Variants in CHFR observed in about 807,000 individuals in gnomAD.
CHFR encodes checkpoint with forkhead and ring finger domains, also known as E3 ubiquitin-protein ligase CHFR.
A neutral mutation model predicts 87.6 loss-of-function variants in CHFR; 57 were observed. The ratio of observed to expected loss-of-function variants is 0.65; its 90% CI spans 0.53 to 0.81. CHFR has a LOEUF of 0.81. Ranked by LOEUF, CHFR falls within the 30% of genes least tolerant of loss-of-function variation. CHFR has a pLI of 0.00. For synonymous variants in CHFR, 381 were observed against 359.2 expected, an observed-to-expected ratio of 1.06 and a Z score of -0.69; for missense variants, 797 against 865.8, an observed-to-expected ratio of 0.92 and a Z score of 1.00.
At chr12:132,877,692 G>A (rs544515173) in intron 2 of CHFR, 38 bp from the exon 3 acceptor site, 18 of 1,384,374 alleles carry the variant, frequency 1.3e-5, no homozygotes, top group Admixed American at 3.5e-5. Context: ...GGATATGATC[G>A]TGGTAACTGT....
chr12:132,870,318 C>T (rs1405524859), intron 5 of CHFR, among the ~76,000 whole-genome samples: 2 of 151,358 alleles, frequency 1.3e-5, no homozygotes, highest in Non-Finnish European at 2.9e-5. Context: ...CGCCACTGCA[C>T]TCCAGCCTGG....
At chr12:132,868,443 A>G (rs1951401017) in intron 6 of CHFR, among the ~76,000 whole-genome samples, 1 of 152,014 alleles carries the variant, frequency 6.6e-6, no homozygotes, top group African/African-American at 2.4e-5. Context: ...CGGAGCTTGC[A>G]GTGAGCCGAG....
chr12:132,869,463 G>A (rs1169914327), intron 6 of CHFR, among the ~76,000 whole-genome samples, 156 bp downstream of exon 6: 1 of 152,060 alleles, frequency 6.6e-6, no homozygotes, highest in East Asian at 1.9e-4. Flanking sequence ...GAAGTGAAGG[G>A]AACAACACAC....
At chr12:132,872,229 G>A (rs2291254) in intron 4 of CHFR, 56 bp downstream of exon 4, 142,085 of 1,055,144 alleles carry the variant, frequency 0.13, 10,166 homozygotes, top group Middle Eastern at 0.2. Flanking sequence ...TTCAGAGAGC[G>A]CCCTCACGTG....
At chr12:132,871,694 C>T (rs1951494035) in intron 4 of CHFR, among the ~76,000 whole-genome samples, 1 of 151,968 alleles carries the variant, frequency 6.6e-6, no homozygotes, top group African/African-American at 2.4e-5. Context: ...ATTGCTTGAA[C>T]CCGGCAGGTG....
chr12:132,881,129 A>G (rs1196983441), intron 2 of CHFR, among the ~76,000 whole-genome samples: 1 of 151,874 alleles, frequency 6.6e-6, no homozygotes, highest in African/African-American at 2.4e-5. Context: ...TTAGCCGGGC[A>G]TGGTAGCATG....
At chr12:132,847,980 C>A (rs951920324) in intron 14 of CHFR, 105 bp downstream of exon 14, 3 of 1,565,840 alleles carry the variant, frequency 1.9e-6, no homozygotes, top group Non-Finnish European at 8.7e-7. Context: ...CAACCCGCAG[C>A]GGGTCAGGTA....
At position 132,858,899 on chromosome 12, in the gene CHFR, GCTCCACCCA is replaced by G. The variant is rs547701046; in HGVS notation, c.911+160_911+168del. 1.1e-3 allele frequency among the ~76,000 whole-genome samples: 164 copies of G among 151,440 alleles called. 1 individual carries two copies. The highest frequency in any genetic ancestry group is 1.2e-3 in the East Asian group (6 of 5,162). Reference sequence around the variant, plus strand: ...GGAGAGGTTGCAGTGGGCTGAGAAAGCTCCACCCACTCCACCCACTCCACCCACTTATCT... The same window carrying G: ...GGAGAGGTTGCAGTGGGCTGAGAAAGCTCCACCCACTCCACCCACTTATCT... On this transcript the variant is annotated intron_variant, in intron 8 of 17. Transcript: ENST00000450056.
chr12:132,853,735 TAG>T, intron 10 of CHFR, 162 bp from the exon 11 acceptor site: 2 of 781,864 alleles, frequency 2.6e-6, no homozygotes, highest in South Asian at 4.1e-5. Flanking sequence ...ACCCCAGTGT[TAG>T]AGAGGGACCA....
In CHFR at chr12:132,841,436, G is replaced by C. The variant is rs542153503; in HGVS notation, c.*118C>G. On this transcript the variant is annotated 3_prime_UTR_variant, in exon 18 of 18. Transcript: ENST00000450056. ...GAGTCACCCCAGAGCACCTGTCGGAGACCCTGCGTCCCTTCCCTCAGGGGG... is the reference window on the plus strand; with the variant it reads ...GAGTCACCCCAGAGCACCTGTCGGACACCCTGCGTCCCTTCCCTCAGGGGG... The C allele has an allele frequency of 1.1e-6, 1 of 873,458 alleles. No homozygotes were observed. Among genetic ancestry groups the C allele is most frequent in the African/African-American group, 1.7e-5 (1 of 60,470 alleles). 54.1% of individuals were successfully genotyped at this position (873,458 alleles called of 1,614,324 possible).
chr12:132,848,061 C>A lies in CHFR; in HGVS notation c.1647+24G>T, dbSNP rs779021805. On this transcript the variant is annotated intron_variant, in intron 14 of 17. Coordinates refer to ENST00000450056, the MANE Select transcript of CHFR (RefSeq NM_001161346.2). ...TAGGGAGAAAATGTGGCTCCCGGCT[C>A]CCCAGCCCGCAGCGAGTCGGTACCT... The A allele has an allele frequency of 4.3e-6, 7 of 1,613,754 alleles. No homozygotes were observed. The African/African-American group carries it at 8.0e-5, about 18-fold the overall frequency.
At position 132,848,123 on chromosome 12, in the gene CHFR, C is replaced by T; in HGVS notation, c.1609G>A (p.Val537Met). The T allele has an allele frequency of 1.2e-6, 2 of 1,614,124 alleles. No individual in the cohort carries two copies. The highest frequency in any genetic ancestry group is 2.2e-5 in the South Asian group (2 of 91,082). ...GACTCGTAGCTGTTGTTGTTCAGCACGCCGTCCAGACACTTGTCACCCAGG... is the reference window on the plus strand; with the variant it reads ...GACTCGTAGCTGTTGTTGTTCAGCATGCCGTCCAGACACTTGTCACCCAGG... ...LNLGDKCLDG[V>M]LNNNSYESDI... The change falls in exon 14 of 18, where the codon GTG becomes ATG. Residue 537 changes from valine (V) to methionine (M), a missense_variant. Physicochemically the swap from Val to Met is conservative, Grantham distance 21 (BLOSUM62 1). Coordinates refer to ENST00000450056, the MANE Select transcript of CHFR (RefSeq NM_001161346.2).
At chr12:132,859,952 G>A (rs978402011) in intron 7 of CHFR, among the ~76,000 whole-genome samples, 2 of 152,100 alleles carry the variant, frequency 1.3e-5, no homozygotes, top group African/African-American at 4.8e-5. Context: ...GGCTGAGGTG[G>A]GAGGACAGTC....
chr12:132,886,300 A>C, intron 2 of CHFR, among the ~76,000 whole-genome samples: 1 of 151,352 alleles, frequency 6.6e-6, no homozygotes, highest in Non-Finnish European at 1.5e-5. Context: ...ACAGAGCAAG[A>C]CTCTTATCTC....
At chr12:132,875,025 G>C (rs1444604572) in intron 3 of CHFR, among the ~76,000 whole-genome samples, 1 of 151,428 alleles carries the variant, frequency 6.6e-6, no homozygotes, top group East Asian at 2.0e-4. Context: ...GCCAGGCCCT[G>C]ATGTAGGCAG....
chr12:132,835,645 T>C lies in CHFR; in HGVS notation c.*5909A>G, dbSNP rs1330176467. On this transcript the variant is annotated 3_prime_UTR_variant, in exon 18 of 18. Transcript: ENST00000450056. ...CAGACCAAAGAGGAACCGGCCCCGC[T>C]GACACCCTGATCTCAGAGTTCCAGG... 1.5e-5 allele frequency: 3 copies of C among 196,144 alleles called. No homozygotes were observed. Among genetic ancestry groups the C allele is most frequent in the East Asian group, 3.6e-4 (2 of 5,576 alleles). The allele number at this position is 196,144 out of a possible 1,614,324, so 12.2% of individuals were successfully genotyped here.
chr12:132,856,519 G>C lies in CHFR; in HGVS notation c.1178C>G (p.Ser393Ter), dbSNP rs1413044699. ...RRSFSDEEGS[S>*]EDLLELSDVD... The stretch of plus-strand genomic sequence containing the variant: ...GTCTGACAGCTCCAGCAGGTCCTCT[G>C]AACTCCCTTCTTCATCAGAAAAAGA... Residue 393 changes from serine (S) to a stop codon, truncating the protein, a stop_gained, in exon 10 of 18, where the codon TCA becomes TGA. Transcript: ENST00000450056. LOFTEE classifies it high-confidence loss of function. The C allele has an allele frequency of 6.2e-7, 1 of 1,614,098 alleles. No individual in the cohort carries two copies. Among genetic ancestry groups the C allele is most frequent in the Non-Finnish European group, 8.5e-7 (1 of 1,180,044 alleles).
chr12:132,881,257 C>CA (rs34009587), intron 2 of CHFR, among the ~76,000 whole-genome samples: 45,666 of 119,226 alleles, frequency 0.38, 8,493 homozygotes, highest in African/African-American at 0.57. Flanking sequence ...GACTCCATCT[C>CA]AAAAAAAAAA....
rs1382193725 is a variant in CHFR at position 132,848,635 on chromosome 12, T to C, written c.1576+6A>G. 6.3e-7 allele frequency: 1 copy of C among 1,586,650 alleles called. No homozygotes were observed. Among genetic ancestry groups the C allele is most frequent in the Non-Finnish European group, 8.6e-7 (1 of 1,166,446 alleles). On this transcript the variant is annotated splice_donor_region_variant and intron_variant, in intron 13 of 17. Coordinates refer to ENST00000450056, the MANE Select transcript of CHFR (RefSeq NM_001161346.2). ...AAGCAACTGGGGCCTGAAGAGCCAG[T>C]ATTACCACAAAACGGGGCCAGGCAG...
Sources: gnomAD v4.1 joint callset for allele counts (sites outside exome capture counted in the v4.1 genomes callset) on GRCh38, gnomAD v4.1.1 for gene constraint, MANE v1.5 for transcripts, NCBI Gene and HGNC (gene_info 2026-07-23, HGNC 2026-07-21) for gene names.